Variants in TRHDE observed in about 807,000 individuals in gnomAD.
The protein encoded by TRHDE is thyrotropin releasing hormone degrading enzyme, also known as thyrotropin-releasing hormone-degrading ectoenzyme.
Under a neutral mutation model 125.7 loss-of-function variants are expected in TRHDE, and 72 were observed. The ratio of observed to expected loss-of-function variants is 0.57; its 90% CI spans 0.47 to 0.70. TRHDE has a LOEUF of 0.70. Ranked by LOEUF, TRHDE falls within the 30% of genes least tolerant of loss-of-function variation. TRHDE has a pLI of 0.00. For synonymous variants in TRHDE, 509 were observed against 509.1 expected, an observed-to-expected ratio of 1.00 and a Z score of 0.00; for missense variants, 1,110 against 1,327.1, an observed-to-expected ratio of 0.84 and a Z score of 2.54.
chr12:72,454,015 T>G (rs1241129704), intron 3 of TRHDE, among the ~76,000 whole-genome samples: 1 of 152,232 alleles, frequency 6.6e-6, no homozygotes, highest in South Asian at 2.1e-4. Context: ...TTTGCACTAC[T>G]ACCAGATATT....
intron 5 of TRHDE, among the ~76,000 whole-genome samples, chr12:72,497,120 C>T (rs1877952843): frequency 1.3e-5 from 2 of 151,914 alleles, no homozygotes; most frequent in South Asian, 4.1e-4. Flanking sequence ...TCGTTCTCTC[C>T]AACAAGGTAG....
chr12:72,399,610 A>C (rs1387490394), intron 3 of TRHDE, among the ~76,000 whole-genome samples: 3 of 152,138 alleles, frequency 2.0e-5, no homozygotes, highest in Non-Finnish European at 2.9e-5. Context: ...TTCTTGGCAA[A>C]AGTGAAAATT....
At chr12:72,455,878 G>A (rs562805287) in intron 3 of TRHDE, among the ~76,000 whole-genome samples, 106 of 151,974 alleles carry the variant, frequency 7.0e-4, no homozygotes, top group African/African-American at 2.2e-3. Context: ...GAGTTATATA[G>A]GAGTAGATAC....
intron 2 of TRHDE, among the ~76,000 whole-genome samples, chr12:72,119,637 G>A (rs1252068572): frequency 1.3e-5 from 2 of 152,170 alleles, no homozygotes; most frequent in South Asian, 2.1e-4. Context: ...AAGTGTTGAA[G>A]TTTCTAGCTA....
rs117315270 is a variant in TRHDE, at chr12:72,205,032, G to T, written n.279+99280G>T. On this transcript the variant is annotated intron_variant and non_coding_transcript_variant, in intron 2 of 4. Coordinates refer to the TRHDE transcript ENST00000548156. The stretch of plus-strand genomic sequence containing the variant: ...AACATTGTATGCTGGTAAAATAGCT[G>T]TAAATTGTTACAGATAATGGAAAAG... Among the ~76,000 whole-genome samples, 1,058 of 152,334 alleles carry T rather than the reference G, an allele frequency of 6.9e-3. 5 individuals are homozygous for T. The highest frequency in any genetic ancestry group is 0.011 in the Non-Finnish European group (778 of 68,016).
chr12:72,577,811 T>G (rs1871065794), intron 12 of TRHDE, among the ~76,000 whole-genome samples: 1 of 152,232 alleles, frequency 6.6e-6, no homozygotes, highest in African/African-American at 2.4e-5. Context: ...ATTACAATTT[T>G]GGGAGCCTTA....
At chr12:72,507,113 A>G (rs1000604761) in intron 6 of TRHDE, among the ~76,000 whole-genome samples, 4 of 151,966 alleles carry the variant, frequency 2.6e-5, no homozygotes, top group Non-Finnish European at 4.4e-5. Flanking sequence ...AGGCCTCCCA[A>G]CCCATGCTTC....
At chr12:72,348,888 A>G (rs1021823266) in intron 2 of TRHDE, among the ~76,000 whole-genome samples, 4 of 151,942 alleles carry the variant, frequency 2.6e-5, no homozygotes, top group Non-Finnish European at 4.4e-5. Flanking sequence ...TTTGTTTAGT[A>G]GAGCTCTTTT....
intron 7 of TRHDE, among the ~76,000 whole-genome samples, chr12:72,543,741 T>G (rs1282234514): frequency 6.6e-6 from 1 of 150,792 alleles, no homozygotes; most frequent in Non-Finnish European, 1.5e-5. Flanking sequence ...ATGGATTTGC[T>G]CAGCAGATTG....
intron 15 of TRHDE, among the ~76,000 whole-genome samples, chr12:72,637,118 G>A (rs531202016): frequency 2.6e-5 from 4 of 152,254 alleles, no homozygotes; most frequent in Admixed American, 2.6e-4. Flanking sequence ...ATTCGGCTGT[G>A]AATCCATCTG....
chr12:72,539,357 C>T (rs1458577112), intron 6 of TRHDE, among the ~76,000 whole-genome samples: 3 of 151,974 alleles, frequency 2.0e-5, no homozygotes, highest in Admixed American at 6.6e-5. Context: ...AGAAGATCTC[C>T]CTCTCCAAAA....
At chr12:72,518,022 A>G (rs1814171229) in intron 6 of TRHDE, among the ~76,000 whole-genome samples, 2 of 147,120 alleles carry the variant, frequency 1.4e-5, no homozygotes, top group African/African-American at 2.6e-5. Context: ...GTTTGTTATA[A>G]TTTCTGTTCT....
intron 2 of TRHDE, among the ~76,000 whole-genome samples, chr12:72,214,718 G>T (rs778911185): frequency 6.6e-6 from 1 of 151,990 alleles, no homozygotes; most frequent in African/African-American, 2.4e-5. Context: ...ACACGGATTT[G>T]TTTTTGAAGA....
chr12:72,172,535 T>G (rs1180245817), intron 2 of TRHDE, among the ~76,000 whole-genome samples: 1 of 152,160 alleles, frequency 6.6e-6, no homozygotes, highest in African/African-American at 2.4e-5. Context: ...GTAATTAATG[T>G]ATTCCAGTTT....
intron 3 of TRHDE, among the ~76,000 whole-genome samples, chr12:72,408,137 C>A (rs1007218344): frequency 1.3e-5 from 2 of 152,136 alleles, no homozygotes; most frequent in Admixed American, 6.6e-5. Flanking sequence ...TTATAAGAAA[C>A]CTACTTGCAT....
At chr12:72,339,386 C>G (rs928415845) in intron 2 of TRHDE, among the ~76,000 whole-genome samples, 2 of 152,130 alleles carry the variant, frequency 1.3e-5, no homozygotes, top group Non-Finnish European at 2.9e-5. Context: ...TCAAGACTAT[C>G]TTTCTATACC....
chr12:72,602,442 C>T (rs1425355162), intron 12 of TRHDE, among the ~76,000 whole-genome samples: 1 of 152,126 alleles, frequency 6.6e-6, no homozygotes, highest in Non-Finnish European at 1.5e-5. Context: ...AAGGGACTGC[C>T]TTATTTGGAA....
At chr12:72,262,829 T>C (rs1233995372) in intron 2 of TRHDE, 3 of 152,148 alleles carry the variant, frequency 2.0e-5, no homozygotes, top group Non-Finnish European at 4.4e-5. Context: ...ATGTTAGCGC[T>C]TCTAAAAATG....
At chr12:72,211,284 T>C (rs1877775289) in intron 2 of TRHDE, among the ~76,000 whole-genome samples, 1 of 152,156 alleles carries the variant, frequency 6.6e-6, no homozygotes, top group African/African-American at 2.4e-5. Flanking sequence ...ACCATGAGGA[T>C]GAAGGGCTTC....
Sources: gnomAD v4.1 joint callset for allele counts (sites outside exome capture counted in the v4.1 genomes callset) on GRCh38, gnomAD v4.1.1 for gene constraint, MANE v1.5 for transcripts, NCBI Gene and HGNC (gene_info 2026-07-23, HGNC 2026-07-21) for gene names.